The following KCNMA1 variants were observed in gnomAD, a reference collection of about 807,000 sequenced individuals.
KCNMA1 encodes potassium calcium-activated channel subfamily M alpha 1, also known as Calcium-activated potassium channel subunit alpha-1.
In KCNMA1, 29 loss-of-function variants were observed where a neutral mutation model predicts 140.0. The observed-to-expected ratio is 0.21, with a 90% CI of 0.15 to 0.28. KCNMA1 has a LOEUF of 0.28. KCNMA1 is among the 10% of genes least tolerant of loss of function. The pLI is 1.00. For synonymous variants in KCNMA1, 612 were observed against 611.9 expected (o/e 1.00, Z 0.00); for missense variants, 880 against 1,602.2 (o/e 0.55, Z 7.70).
At chr10:77,534,976 C>T (rs1358383164) in intron 1 of KCNMA1, among the ~76,000 whole-genome samples, 1 of 152,212 alleles carries the variant, frequency 6.6e-6, no homozygotes, top group African/African-American at 2.4e-5. Context: ...ATACCTACAA[C>T]CTATAACCCA....
At chr10:77,545,083 T>G (rs1260922055) in intron 1 of KCNMA1, among the ~76,000 whole-genome samples, 1 of 152,206 alleles carries the variant, frequency 6.6e-6, no homozygotes, top group Non-Finnish European at 1.5e-5. Flanking sequence ...AATGGAATCA[T>G]GAAGTTTCTA....
At chr10:77,502,225 A>G (rs1221925220) in intron 1 of KCNMA1, among the ~76,000 whole-genome samples, 8 of 152,212 alleles carry the variant, frequency 5.3e-5, no homozygotes, top group Admixed American at 1.3e-4. Flanking sequence ...TCCCACTGAC[A>G]ATCGTGATTC....
intron 10 of KCNMA1, among the ~76,000 whole-genome samples, chr10:77,089,416 T>C (rs2096765820): frequency 1.3e-5 from 2 of 152,174 alleles, no homozygotes; most frequent in African/African-American, 4.8e-5. Flanking sequence ...TAAAAGAAGA[T>C]GACCATGGTA....
intron 1 of KCNMA1, among the ~76,000 whole-genome samples, chr10:77,442,561 C>T (rs1270889954): frequency 6.6e-6 from 1 of 152,078 alleles, no homozygotes; most frequent in African/African-American, 2.4e-5. Flanking sequence ...CCTCAGCTTC[C>T]CCACCTGTAC....
At chr10:77,588,510 C>T (rs1353511819) in intron 1 of KCNMA1, among the ~76,000 whole-genome samples, 1 of 152,116 alleles carries the variant, frequency 6.6e-6, no homozygotes, top group East Asian at 1.9e-4. Flanking sequence ...TTACTTTAGC[C>T]TGGAGGCAAA....
intron 5 of KCNMA1, among the ~76,000 whole-genome samples, chr10:77,166,114 G>A (rs1053745615): frequency 3.3e-5 from 5 of 152,064 alleles, no homozygotes; most frequent in Non-Finnish European, 7.4e-5. Flanking sequence ...GGGGCCCTTC[G>A]TCTCTAACAA....
intron 1 of KCNMA1, among the ~76,000 whole-genome samples, chr10:77,540,105 T>C (rs1045429638): frequency 2.0e-5 from 3 of 152,174 alleles, no homozygotes; most frequent in Admixed American, 6.5e-5. Context: ...AGAATCATCA[T>C]GATTGATTTC....
rs375687535 is a variant in KCNMA1 at position 77,241,639 on chromosome 10, C to A, written c.602+9556G>T. ...CTCCAGTCTGGGAAACAGAGTGAGACCCTGTCTCAAAGAAAAAAAAAAAAT... is the reference window on the plus strand; with the variant it reads ...CTCCAGTCTGGGAAACAGAGTGAGAACCTGTCTCAAAGAAAAAAAAAAAAT... On this transcript the variant is annotated intron_variant, in intron 3 of 27. Transcript: ENST00000286628. Among the ~76,000 whole-genome samples, 10 of 151,984 alleles carry A rather than the reference C, an allele frequency of 6.6e-5. No homozygotes were observed. In the South Asian group the frequency reaches 8.3e-4, roughly 13 times the overall value.
At chr10:76,996,361 G>T (rs969066081) in intron 19 of KCNMA1, among the ~76,000 whole-genome samples, 12 of 152,188 alleles carry the variant, frequency 7.9e-5, no homozygotes, top group African/African-American at 2.9e-4. Context: ...AGAGGCAGTG[G>T]CTTCTGTAGC....
intron 3 of KCNMA1, among the ~76,000 whole-genome samples, chr10:77,205,286 G>A (rs2043726254): frequency 6.6e-6 from 1 of 152,142 alleles, no homozygotes; most frequent in Non-Finnish European, 1.5e-5. Context: ...TTGACACGAA[G>A]CATACTAGGA....
At chr10:76,888,502 A>G (rs934411818) in intron 27 of KCNMA1, among the ~76,000 whole-genome samples, 2 of 152,194 alleles carry the variant, frequency 1.3e-5, no homozygotes, top group African/African-American at 4.8e-5. Context: ...AGGGATGAGA[A>G]ACGCTTGTCT....
intron 23 of KCNMA1, among the ~76,000 whole-genome samples, chr10:76,941,961 T>G (rs758441211): frequency 6.6e-6 from 1 of 152,002 alleles, no homozygotes; most frequent in Non-Finnish European, 1.5e-5. Flanking sequence ...ACTTTATTTA[T>G]TTGTTTGTTG....
chr10:77,234,624 A>T (rs1339200618), intron 3 of KCNMA1, among the ~76,000 whole-genome samples: 1 of 152,222 alleles, frequency 6.6e-6, no homozygotes, highest in African/African-American at 2.4e-5. Flanking sequence ...CATCATCATC[A>T]TTAGATTTAA....
At chr10:77,086,641 T>C in intron 10 of KCNMA1, 48 bp from the exon 11 acceptor site, 1 of 1,372,596 alleles carries the variant, frequency 7.3e-7, no homozygotes, top group Non-Finnish European at 1.0e-6. Context: ...GACTCGGGGG[T>C]TTCAGCCTCC....
At chr10:77,325,845 A>G (rs982780196) in intron 2 of KCNMA1, among the ~76,000 whole-genome samples, 29 of 152,090 alleles carry the variant, frequency 1.9e-4, no homozygotes, top group Non-Finnish European at 4.4e-5. Context: ...TTAACTCAGA[A>G]TACTTCTGTA....
Position 77,506,596 on chromosome 10 carries a change from A to AGAGTGTGTGTGT in KCNMA1, c.379-102574_379-102573insACACACACACTC. 1.4e-3 allele frequency among the ~76,000 whole-genome samples: 116 copies of AGAGTGTGTGTGT among 83,544 alleles called. 2 individuals carry two copies. Among genetic ancestry groups the AGAGTGTGTGTGT allele is most frequent in the East Asian group, 0.012 (26 of 2,242 alleles). The allele number at this position is 83,544 out of a possible 152,430, so 54.8% of individuals were successfully genotyped here. A position where few individuals can be genotyped will look rare whatever the true frequency, so the allele number is the denominator to read the frequency against. On this transcript the variant is annotated intron_variant, in intron 1 of 27. Coordinates refer to ENST00000286628, the MANE Select transcript of KCNMA1 (RefSeq NM_001161352.2). Reference sequence around the variant, plus strand: ...TAGAGAGAGAGAGAGAGAGAGAGAGAGTGTGTGTGTGTGTGTGTGTGTGTT... The same window carrying AGAGTGTGTGTGT: ...TAGAGAGAGAGAGAGAGAGAGAGAGAGAGTGTGTGTGTGTGTGTGTGTGTGTGTGTGTGTGTT...
intron 19 of KCNMA1, among the ~76,000 whole-genome samples, chr10:76,978,145 G>A (rs2078250668): frequency 6.6e-6 from 1 of 152,212 alleles, no homozygotes; most frequent in Non-Finnish European, 1.5e-5. Context: ...ACATGGTGTG[G>A]CAGTTTCACT....
At chr10:77,172,156 G>C (rs780982875) in intron 5 of KCNMA1, among the ~76,000 whole-genome samples, 16 of 152,094 alleles carry the variant, frequency 1.1e-4, no homozygotes, top group Non-Finnish European at 2.4e-4. Flanking sequence ...AAGAATCAAG[G>C]CATCTATTTT....
chr10:77,399,623 CG>C (rs906204452), intron 2 of KCNMA1, among the ~76,000 whole-genome samples: 56 of 152,160 alleles, frequency 3.7e-4, no homozygotes, highest in Admixed American at 1.6e-3. Context: ...GATCTGGAGC[CG>C]GGGGGTCAAG....
Sources: gnomAD v4.1 joint callset for allele counts (sites outside exome capture counted in the v4.1 genomes callset) on GRCh38, gnomAD v4.1.1 for gene constraint, MANE v1.5 for transcripts, NCBI Gene and HGNC (gene_info 2026-07-23, HGNC 2026-07-21) for gene names.